CDYL2: variants seen among roughly 807,000 people sequenced by gnomAD.
The protein encoded by CDYL2 is chromodomain Y-like protein 2.
In CDYL2, 23 loss-of-function variants were observed where a neutral mutation model predicts 49.4. That is an observed-to-expected ratio of 0.47 (90% CI 0.34 to 0.66). The LOEUF (loss-of-function observed/expected upper bound fraction) is 0.66. Among genes scored for constraint, CDYL2 ranks in the 30% least tolerant of loss-of-function variants. CDYL2 has a pLI of 0.01. For missense variants in CDYL2, 678 were observed against 656.4 expected, an observed-to-expected ratio of 1.03 and a Z score of -0.36; for synonymous variants, 360 against 268.8, an observed-to-expected ratio of 1.34 and a Z score of -3.32.
intron 1 of CDYL2, among the ~76,000 whole-genome samples, chr16:80,717,480 G>A (rs1182640114): frequency 2.0e-5 from 3 of 152,228 alleles, no homozygotes; most frequent in East Asian, 1.9e-4. Context: ...GGAGACAGAG[G>A]TAACCTGAGC....
chr16:80,671,396 A>G (rs1597162141), intron 2 of CDYL2, among the ~76,000 whole-genome samples: 1 of 152,320 alleles, frequency 6.6e-6, no homozygotes, highest in East Asian at 1.9e-4. Flanking sequence ...TGGCTGCCAC[A>G]AGTACAACAG....
intron 1 of CDYL2, among the ~76,000 whole-genome samples, chr16:80,797,895 C>T (rs1907813679): frequency 6.6e-6 from 1 of 152,212 alleles, no homozygotes; most frequent in Non-Finnish European, 1.5e-5. Context: ...CCACTGTTAA[C>T]TTTGAAGGAC....
chr16:80,758,678 G>C (rs1469202455), intron 1 of CDYL2, among the ~76,000 whole-genome samples: 1 of 151,732 alleles, frequency 6.6e-6, no homozygotes, highest in Non-Finnish European at 1.5e-5. Flanking sequence ...GAGTAGCTGG[G>C]ACTACAGGCA....
intron 1 of CDYL2, among the ~76,000 whole-genome samples, chr16:80,775,655 TATG>T (rs1415997387): frequency 6.6e-6 from 1 of 151,862 alleles, no homozygotes; most frequent in Non-Finnish European, 1.5e-5. Flanking sequence ...AAATATAACA[TATG>T]ATGTCATAAA....
chr16:80,666,518 T>C (rs1454447582), intron 2 of CDYL2, among the ~76,000 whole-genome samples: 1 of 152,134 alleles, frequency 6.6e-6, no homozygotes, highest in Non-Finnish European at 1.5e-5. Context: ...AAGAGTCTAC[T>C]GTGGCTTCGT....
chr16:80,650,513 G>C (rs1248544097), intron 2 of CDYL2, among the ~76,000 whole-genome samples: 1 of 152,188 alleles, frequency 6.6e-6, no homozygotes, highest in Non-Finnish European at 1.5e-5. Context: ...CTCACACACT[G>C]TTGGTGGGAA....
rs774135203 is a variant in CDYL2 at position 80,685,112 on chromosome 16, G to A, written c.42C>T (p.Asp14=). ...ATTTTCCTTTCTTGTTCTTCCTCTT[G>A]TCTACAATCCTTTCAACCTGCGATA... is the stretch of plus-strand genomic sequence containing the variant. ...GDLYEVERIV[D]KRKNKKGKWE... The change falls in exon 2 of 7, where the codon GAC becomes GAT. Residue 14 remains aspartate, a synonymous_variant. Transcript: ENST00000570137. The A allele has an allele frequency of 1.8e-5, 29 of 1,611,580 alleles. No individual in the cohort carries two copies. Among genetic ancestry groups the A allele is most frequent in the Non-Finnish European group, 5.9e-6 (7 of 1,178,604 alleles).
At chr16:80,606,291 C>G (rs79191124) in intron 6 of CDYL2, among the ~76,000 whole-genome samples, 2,780 of 152,308 alleles carry the variant, frequency 0.018, 82 homozygotes, top group African/African-American at 0.062. Context: ...GGAAACCCCC[C>G]CAGCATTCCT....
At chr16:80,779,861 A>C in intron 1 of CDYL2, among the ~76,000 whole-genome samples, 1 of 152,186 alleles carries the variant, frequency 6.6e-6, no homozygotes, top group African/African-American at 2.4e-5. Context: ...TTAACAAATT[A>C]TGAGTAAAAT....
chr16:80,789,319 G>A (rs1024005434), intron 1 of CDYL2, among the ~76,000 whole-genome samples: 12 of 152,078 alleles, frequency 7.9e-5, no homozygotes, highest in South Asian at 2.1e-4. Context: ...AGACACCTGC[G>A]GGGCCAGGTG....
At chr16:80,682,027 C>A (rs1043484269) in intron 2 of CDYL2, among the ~76,000 whole-genome samples, 1 of 152,200 alleles carries the variant, frequency 6.6e-6, no homozygotes, top group Non-Finnish European at 1.5e-5. Context: ...GGTAGAGTCA[C>A]CCAGGAAGTT....
chr16:80,669,298 G>A (rs929102589), intron 2 of CDYL2, among the ~76,000 whole-genome samples: 2 of 152,080 alleles, frequency 1.3e-5, no homozygotes, highest in African/African-American at 2.4e-5. Context: ...AAGCAGATAC[G>A]ACGATATATT....
At chr16:80,654,563 GC>G (rs1468776308) in intron 2 of CDYL2, among the ~76,000 whole-genome samples, 4 of 152,284 alleles carry the variant, frequency 2.6e-5, no homozygotes, top group Admixed American at 2.6e-4. Context: ...TACAGGAATT[GC>G]CCCTCTGCAT....
intron 1 of CDYL2, among the ~76,000 whole-genome samples, chr16:80,803,722 C>T (rs1228127908): frequency 7.0e-6 from 1 of 143,820 alleles, no homozygotes; most frequent in Non-Finnish European, 1.5e-5. Flanking sequence ...CCCACACCCC[C>T]GCCGGCCGCG....
At chr16:80,645,259 C>T (rs1198770614) in intron 2 of CDYL2, among the ~76,000 whole-genome samples, 1 of 152,148 alleles carries the variant, frequency 6.6e-6, no homozygotes, top group Non-Finnish European at 1.5e-5. Flanking sequence ...GGGCTAATAT[C>T]CAGAATCTAC....
At chr16:80,718,619 ATGGAAAAAGAATGCAGCTGAAGGAGC>A (rs1904891684) in intron 1 of CDYL2, among the ~76,000 whole-genome samples, 1 of 152,236 alleles carries the variant, frequency 6.6e-6, no homozygotes. Context: ...ATTGGCCACT[ATGGAAAAAGAATGCAGCTGAAGGAGC>A]TGGAAGTCCA....
intron 2 of CDYL2, among the ~76,000 whole-genome samples, chr16:80,657,222 T>C (rs1192467247): frequency 6.6e-6 from 1 of 152,198 alleles, no homozygotes; most frequent in Non-Finnish European, 1.5e-5. Context: ...GACTTTAAAA[T>C]AGGAACATTT....
chr16:80,640,194 T>A (rs1006371287), intron 2 of CDYL2, among the ~76,000 whole-genome samples: 1 of 152,174 alleles, frequency 6.6e-6, no homozygotes, highest in African/African-American at 2.4e-5. Context: ...ACACCTCAAG[T>A]ATCCAAAAGA....
intron 1 of CDYL2, among the ~76,000 whole-genome samples, chr16:80,791,690 G>C (rs1034823375): frequency 6.6e-6 from 1 of 152,108 alleles, no homozygotes; most frequent in African/African-American, 2.4e-5. Context: ...AAAGGAGAGA[G>C]CACAGAACAT....
Sources: allele counts gnomAD v4.1 joint callset (sites outside exome capture counted in the v4.1 genomes callset), GRCh38; gene constraint gnomAD v4.1.1; transcripts MANE v1.5; gene names NCBI Gene and HGNC (gene_info 2026-07-23, HGNC 2026-07-21).